The following FHIT variants were observed in gnomAD, a reference collection of about 807,000 sequenced individuals.
The protein encoded by FHIT is bis(5'-adenosyl)-triphosphatase.
Under a neutral mutation model 17.9 loss-of-function variants are expected in FHIT, and 19 were observed. The ratio of observed to expected loss-of-function variants is 1.06; its 90% confidence interval spans 0.74 to 1.56. The LOEUF (loss-of-function observed/expected upper bound fraction) is 1.56, where lower values mean the gene tolerates loss of function less well. FHIT is among the 40% of genes most tolerant of loss of function. The pLI is 0.00. For synonymous variants in FHIT, 81 were observed against 69.7 expected (o/e 1.16, Z -0.81); for missense variants, 248 against 189.2 (o/e 1.31, Z -1.82).
intron 5 of FHIT, among the ~76,000 whole-genome samples, chr3:60,388,436 C>G (rs1302279029): frequency 2.0e-5 from 3 of 151,978 alleles, no homozygotes; most frequent in African/African-American, 7.3e-5. Context: ...CCCATCTCTA[C>G]AGAAAAAATA....
chr3:60,146,153 T>C (rs904089063), intron 5 of FHIT, among the ~76,000 whole-genome samples: 4 of 151,688 alleles, frequency 2.6e-5, no homozygotes, highest in Non-Finnish European at 5.9e-5. Flanking sequence ...GAGGGTGGAA[T>C]AGAGGTTAAT....
chr3:61,075,588 G>A (rs2034948488), intron 2 of FHIT, among the ~76,000 whole-genome samples: 1 of 152,096 alleles, frequency 6.6e-6, no homozygotes, highest in Non-Finnish European at 1.5e-5. Context: ...CACTGAGATT[G>A]AGAACCCAGA....
intron 5 of FHIT, among the ~76,000 whole-genome samples, chr3:60,283,651 T>C (rs2107652558): frequency 1.3e-5 from 2 of 152,272 alleles, no homozygotes; most frequent in Middle Eastern, 6.8e-3. Context: ...GTCTGCATCC[T>C]GTCAGTATTT....
At chr3:61,239,102 G>A (rs1576280407) in intron 1 of FHIT, among the ~76,000 whole-genome samples, 2 of 152,008 alleles carry the variant, frequency 1.3e-5, no homozygotes, top group African/African-American at 4.8e-5. Context: ...TCTGGCCAAA[G>A]GGAGGGGAAA....
intron 3 of FHIT, among the ~76,000 whole-genome samples, chr3:61,015,184 G>A (rs1258371681): frequency 6.6e-6 from 1 of 152,070 alleles, no homozygotes; most frequent in African/African-American, 2.4e-5. Context: ...CAATAAAATG[G>A]CCTTGATGTC....
At chr3:60,753,787 C>T (rs2042516183) in intron 4 of FHIT, among the ~76,000 whole-genome samples, 1 of 152,138 alleles carries the variant, frequency 6.6e-6, no homozygotes, top group Non-Finnish European at 1.5e-5. Context: ...ACTGCCTGCC[C>T]TGCCTCTGAC....
chr3:60,349,884 G>A (rs1476434868), intron 5 of FHIT, among the ~76,000 whole-genome samples: 7 of 152,148 alleles, frequency 4.6e-5, no homozygotes, highest in Non-Finnish European at 7.3e-5. Flanking sequence ...TCAACTCCAT[G>A]AGGGTAAAAC....
intron 3 of FHIT, among the ~76,000 whole-genome samples, chr3:60,905,846 A>G (rs1706382089): frequency 1.3e-5 from 2 of 152,218 alleles, no homozygotes; most frequent in South Asian, 4.1e-4. Flanking sequence ...GAGCGTGAGT[A>G]AAAATGGAGC....
At chr3:60,373,015 A>G (rs1241938197) in intron 5 of FHIT, among the ~76,000 whole-genome samples, 1 of 149,902 alleles carries the variant, frequency 6.7e-6, no homozygotes, top group Non-Finnish European at 1.5e-5. Context: ...AAATAATTGG[A>G]TTAAAATCAT....
intron 5 of FHIT, among the ~76,000 whole-genome samples, chr3:60,066,963 T>TGAATACTG (rs1401578675): frequency 1.3e-5 from 2 of 152,060 alleles, no homozygotes; most frequent in African/African-American, 4.8e-5. Flanking sequence ...TTTAAACCTG[T>TGAATACTG]GAATACTGAC....
intron 3 of FHIT, among the ~76,000 whole-genome samples, chr3:61,016,927 T>C (rs2032143664): frequency 6.6e-6 from 1 of 152,216 alleles, no homozygotes; most frequent in South Asian, 2.1e-4. Flanking sequence ...ATGACCTGTA[T>C]ACTTGCAAGG....
chr3:59,877,239 A>G (rs1363851179), intron 8 of FHIT, among the ~76,000 whole-genome samples: 1 of 151,950 alleles, frequency 6.6e-6, no homozygotes, highest in Non-Finnish European at 1.5e-5. Context: ...TTGAATCATG[A>G]TTTCTATAAT....
chr3:60,954,880 T>A (rs1486671154), intron 3 of FHIT, among the ~76,000 whole-genome samples: 1 of 152,190 alleles, frequency 6.6e-6, no homozygotes, highest in Non-Finnish European at 1.5e-5. Flanking sequence ...GAGCCCTCAC[T>A]TGGCTCAAAA....
intron 5 of FHIT, among the ~76,000 whole-genome samples, chr3:60,324,521 C>T (rs1327041299): frequency 6.9e-6 from 1 of 144,524 alleles, no homozygotes; most frequent in Admixed American, 7.2e-5. Flanking sequence ...GGAGGCGGAG[C>T]TTGCAGTGAG....
At position 60,826,187 on chromosome 3, in the gene FHIT, AAGGAAGGAAGGAAG is replaced by A. The variant is rs1702113010; in HGVS notation, c.-110-4190_-110-4177del. On this transcript the variant is annotated intron_variant, in intron 3 of 9. Transcript: ENST00000492590. Reference sequence around the variant, plus strand: ...GAAGGAAGGAAGGAAGGAAGGAAGGAAGGAAGGAAGGAAGGAAGGAAGGAAAGAAGGAAGGAAGG... The same window carrying A: ...GAAGGAAGGAAGGAAGGAAGGAAGGAGAAGGAAGGAAAGAAGGAAGGAAGG... Among the ~76,000 whole-genome samples, 174 of 143,446 alleles carry A rather than the reference AAGGAAGGAAGGAAG, an allele frequency of 1.2e-3. 1 individual carries two copies. Among genetic ancestry groups the A allele is most frequent in the African/African-American group, 4.9e-3 (169 of 34,414 alleles). The allele number at this position is 143,446 out of a possible 152,430, so 94.1% of individuals were successfully genotyped here.
intron 5 of FHIT, among the ~76,000 whole-genome samples, chr3:60,407,692 T>C (rs1234633798): frequency 6.6e-6 from 1 of 152,080 alleles, no homozygotes; most frequent in Non-Finnish European, 1.5e-5. Flanking sequence ...ATTTTTTGTA[T>C]TTTTAGTCGA....
At chr3:60,373,586 G>A (rs761067094) in intron 5 of FHIT, among the ~76,000 whole-genome samples, 82 of 152,172 alleles carry the variant, frequency 5.4e-4, no homozygotes, top group Admixed American at 5.3e-3. Context: ...CAGGTTGAGT[G>A]TATAAGCCGT....
At chr3:60,689,044 TG>T (rs1333998252) in intron 4 of FHIT, among the ~76,000 whole-genome samples, 5 of 152,060 alleles carry the variant, frequency 3.3e-5, no homozygotes, top group African/African-American at 7.2e-5. Flanking sequence ...AATTGAATCA[TG>T]GGGGGTGGGT....
At chr3:60,397,842 C>G (rs772949977) in intron 5 of FHIT, among the ~76,000 whole-genome samples, 2 of 152,164 alleles carry the variant, frequency 1.3e-5, no homozygotes, top group African/African-American at 2.4e-5. Context: ...ATATACCTAC[C>G]CTTTCCTAAT....
Sources: gnomAD v4.1 joint callset for allele counts (sites outside exome capture counted in the v4.1 genomes callset) on GRCh38, gnomAD v4.1.1 for gene constraint, MANE v1.5 for transcripts, NCBI Gene and HGNC (gene_info 2026-07-23, HGNC 2026-07-21) for gene names.